Variants in AATF observed in about 807,000 individuals in gnomAD.
AATF encodes the protein apoptosis antagonizing transcription factor.
Under a neutral mutation model 63.7 loss-of-function variants are expected in AATF, and 48 were observed. The ratio of observed to expected loss-of-function variants is 0.75; its 90% CI spans 0.60 to 0.96. AATF has a LOEUF of 0.96. Among genes scored for constraint, AATF ranks in the 40% least tolerant of loss-of-function variants. The pLI is 0.00. For synonymous variants in AATF, 258 were observed against 247.7 expected, an observed-to-expected ratio of 1.04 and a Z score of -0.39; for missense variants, 639 against 685.7, an observed-to-expected ratio of 0.93 and a Z score of 0.76.
chr17:37,050,638 CG>C (rs1209618435), intron 11 of AATF, among the ~76,000 whole-genome samples: 7 of 152,186 alleles, frequency 4.6e-5, no homozygotes, highest in Non-Finnish European at 7.3e-5. Context: ...GGTTTCAGAT[CG>C]GATCCAGACC....
rs573261615 is a variant in AATF at position 37,019,070 on chromosome 17, A to G, written c.1464A>G (p.Gly488=). The G allele has an allele frequency of 3.3e-5, 54 of 1,613,870 alleles. 1 individual carries two copies. In the South Asian group the frequency reaches 5.7e-4, roughly 17 times the overall value. ...ATCCCAACGATCAGGTGGCCATGGG[A>G]AGGTAATTTAGATACAGCTTTCTGT... ...SLDPNDQVAM[G]RQWLAIQKLR... Residue 488 remains glycine, a splice_region_variant and synonymous_variant, in exon 9 of 12, where the codon GGA becomes GGG. Transcript: ENST00000619387.
intron 11 of AATF, among the ~76,000 whole-genome samples, chr17:37,038,807 C>A (rs2071613296): frequency 6.6e-6 from 1 of 152,034 alleles, no homozygotes; most frequent in Admixed American, 6.6e-5. Context: ...AAAAAAAGAA[C>A]AAGGAGAGGA....
chr17:37,001,984 C>T lies in AATF; in HGVS notation c.1398+11127C>T, dbSNP rs560371675. ...TGGGAGGCCAAGTGGGTCAGATCAGCTTGAGGCCAGGAGTCAAGACCAGCC... is the reference window on the plus strand; with the variant it reads ...TGGGAGGCCAAGTGGGTCAGATCAGTTTGAGGCCAGGAGTCAAGACCAGCC... On this transcript the variant is annotated intron_variant, in intron 8 of 11. Transcript: ENST00000619387. Among the ~76,000 whole-genome samples the T allele has an allele frequency of 7.2e-5, 11 of 151,940 alleles. No homozygotes were observed. In the East Asian group the frequency reaches 2.2e-3, roughly 30 times the overall value.
chr17:37,008,459 A>G (rs1029304299), intron 8 of AATF, among the ~76,000 whole-genome samples: 20 of 152,246 alleles, frequency 1.3e-4, no homozygotes, highest in Admixed American at 3.9e-4. Flanking sequence ...CACACTTCAC[A>G]TAAGTGAAAA....
At chr17:37,000,729 C>T (rs879281378) in intron 8 of AATF, among the ~76,000 whole-genome samples, 1 of 152,014 alleles carries the variant, frequency 6.6e-6, no homozygotes, top group Non-Finnish European at 1.5e-5. Context: ...CTGGAACATT[C>T]AAATATTTAT....
intron 8 of AATF, among the ~76,000 whole-genome samples, chr17:36,996,115 A>G (rs1198131712): frequency 1.3e-5 from 2 of 152,180 alleles, no homozygotes; most frequent in Non-Finnish European, 2.9e-5. Context: ...TATTTTAGAG[A>G]GAACATATGT....
At chr17:37,021,889 TG>T (rs1269608113) in intron 10 of AATF, among the ~76,000 whole-genome samples, 1 of 151,602 alleles carries the variant, frequency 6.6e-6, no homozygotes, top group African/African-American at 2.4e-5. Context: ...TGATGCCATA[TG>T]TGCACACAGT....
intron 11 of AATF, among the ~76,000 whole-genome samples, chr17:37,036,610 A>C (rs1383786124): frequency 6.6e-6 from 1 of 152,066 alleles, no homozygotes; most frequent in Admixed American, 6.5e-5. Flanking sequence ...TTTTTAAAAA[A>C]AAAAACCTTT....
At chr17:36,960,526 C>T (rs898474432) in intron 4 of AATF, among the ~76,000 whole-genome samples, 4 of 152,124 alleles carry the variant, frequency 2.6e-5, no homozygotes, top group Non-Finnish European at 5.9e-5. Context: ...GTACCCCTGC[C>T]GCCCAGTACC....
chr17:36,953,771 A>C lies in AATF; in HGVS notation c.696A>C (p.Ala232=). 6.2e-7 allele frequency: 1 copy of C among 1,612,826 alleles called. No homozygotes were observed. Among genetic ancestry groups the C allele is most frequent in the Non-Finnish European group, 8.5e-7 (1 of 1,179,720 alleles). The change falls in exon 4 of 12, where the codon GCA becomes GCC. Residue 232 remains alanine (A), a splice_region_variant and synonymous_variant. Transcript: ENST00000619387. ...EKGRAVKNQI[A]LWDQLLEGRI... is the part of the protein sequence containing the mutation. ...GGGATTCTCTTTTCTTCTTTTCAGCACTGTGGGACCAGCTCTTGGAAGGAA... is the reference window on the plus strand; with the variant it reads ...GGGATTCTCTTTTCTTCTTTTCAGCCCTGTGGGACCAGCTCTTGGAAGGAA...
At chr17:37,010,309 T>G (rs143006277) in intron 8 of AATF, among the ~76,000 whole-genome samples, 2,542 of 151,894 alleles carry the variant, frequency 0.017, 75 homozygotes, top group African/African-American at 0.058. Context: ...AAAAACAAAA[T>G]TAGCCGGGCG....
At chr17:36,968,266 C>CTTTTTTTTTTTTTTTTTTTTTTT (rs2071009164) in intron 4 of AATF, among the ~76,000 whole-genome samples, 3 of 75,572 alleles carry the variant, frequency 4.0e-5, no homozygotes, top group African/African-American at 1.6e-4. Context: ...TTCTTTCCTT[C>CTTTTTTTTTTTTTTTTTTTTTTT]TTTCTTTTTT....
intron 11 of AATF, chr17:37,034,823 G>C (rs1043873263): frequency 3.3e-5 from 5 of 152,078 alleles, no homozygotes; most frequent in African/African-American, 1.2e-4. Context: ...TCAACAAGAA[G>C]ACTTAAAAAT....
chr17:36,961,259 AAAACAT>A, intron 4 of AATF, among the ~76,000 whole-genome samples: 1 of 152,364 alleles, frequency 6.6e-6, no homozygotes, highest in Admixed American at 6.5e-5. Flanking sequence ...TCACTTGTAT[AAAACAT>A]GCTTTAATAA....
intron 10 of AATF, chr17:37,031,360 T>A: frequency 3.8e-6 from 2 of 524,322 alleles, no homozygotes; most frequent in Non-Finnish European, 3.4e-6. Context: ...TGCCATTTTA[T>A]ATAAGGAACT....
intron 11 of AATF, chr17:37,055,305 G>C (rs201676747): frequency 6.6e-6 from 1 of 152,180 alleles, no homozygotes; most frequent in African/African-American, 2.4e-5. Flanking sequence ...TGTGGCTTCT[G>C]TAGTTCTTCC....
At chr17:36,951,844 C>A (rs2070857754) in intron 2 of AATF, among the ~76,000 whole-genome samples, 1 of 152,212 alleles carries the variant, frequency 6.6e-6, no homozygotes, top group Non-Finnish European at 1.5e-5. Flanking sequence ...TAAAGAAGCG[C>A]TGAAGACCTG....
At chr17:37,013,859 C>CTATA (rs1468901565) in intron 8 of AATF, among the ~76,000 whole-genome samples, 2 of 152,120 alleles carry the variant, frequency 1.3e-5, no homozygotes, top group Non-Finnish European at 2.9e-5. Context: ...CTGTTTTTCC[C>CTATA]TATATACTCC....
intron 10 of AATF, 187 bp from the exon 11 acceptor site, chr17:37,031,427 T>C: frequency 1.6e-6 from 1 of 611,842 alleles, no homozygotes; most frequent in Non-Finnish European, 3.0e-6. Context: ...CCTCCACAGA[T>C]ACCATGGGAT....
Sources: gnomAD v4.1 joint callset for allele counts (sites outside exome capture counted in the v4.1 genomes callset) on GRCh38, gnomAD v4.1.1 for gene constraint, MANE v1.5 for transcripts, NCBI Gene and HGNC (gene_info 2026-07-23, HGNC 2026-07-21) for gene names.